The following EGLN3 variants were observed in gnomAD, a reference collection of about 807,000 sequenced individuals.
EGLN3 encodes the protein egl-9 family hypoxia inducible factor 3.
Under a neutral mutation model 26.0 loss-of-function variants are expected in EGLN3, and 15 were observed. That is an observed-to-expected ratio of 0.58 (90% confidence interval 0.39 to 0.89). The LOEUF (loss-of-function observed/expected upper bound fraction) is 0.89. Among genes scored for constraint, EGLN3 ranks in the 40% least tolerant of loss-of-function variants. The probability of loss-of-function intolerance (pLI) is 0.00; values close to 1 mark genes in which losing one functional copy is unlikely to be tolerated. For synonymous variants in EGLN3, 147 were observed against 127.2 expected (o/e 1.16, Z -1.05); for missense variants, 238 against 311.6 (o/e 0.76, Z 1.78).
chr14:33,936,222 G>A (rs555632376), intron 1 of EGLN3, among the ~76,000 whole-genome samples: 85 of 51,594 alleles, frequency 1.6e-3, no homozygotes, highest in African/African-American at 5.1e-3. Flanking sequence ...AGAGCGAGAT[G>A]CTGTCTCAAA....
In EGLN3 at chr14:33,929,071, A is replaced by G; in HGVS notation, c.614+5T>C. ...CGGAAGAGGAATCATGGCTCCGGCT[A>G]TTACCTGGTTGCGTAAGAGGGCTGC... On this transcript the variant is annotated splice_donor_5th_base_variant and intron_variant, in intron 3 of 4. Transcript: ENST00000250457. 6.2e-7 allele frequency: 1 copy of G among 1,613,310 alleles called. No individual in the cohort carries two copies. Among genetic ancestry groups the G allele is most frequent in the Non-Finnish European group, 8.5e-7 (1 of 1,179,868 alleles).
chr14:33,940,484 C>T (rs1263744609), intron 1 of EGLN3, among the ~76,000 whole-genome samples: 1 of 152,066 alleles, frequency 6.6e-6, no homozygotes, highest in Non-Finnish European at 1.5e-5. Context: ...GCCACCATCC[C>T]TATCTAATCT....
chr14:33,941,574 C>CT (rs561107647), intron 1 of EGLN3, among the ~76,000 whole-genome samples: 1,495 of 145,392 alleles, frequency 0.01, 26 homozygotes, highest in African/African-American at 0.033. Context: ...AAAATTCTAG[C>CT]TTTTTTTTTA....
chr14:33,948,310 A>T (rs1171941612), intron 1 of EGLN3: 1 of 152,224 alleles, frequency 6.6e-6, no homozygotes, highest in Non-Finnish European at 1.5e-5. Flanking sequence ...AGACTTCTGT[A>T]TACAAGCAAA....
chr14:33,930,698 G>A (rs1202334235), intron 2 of EGLN3, among the ~76,000 whole-genome samples: 1 of 152,186 alleles, frequency 6.6e-6, no homozygotes, highest in Admixed American at 6.5e-5. Context: ...TGGTTTTATA[G>A]CCTACAGTTC....
At position 33,931,132 on chromosome 14, in the gene EGLN3, G is replaced by A. The variant is rs979208385; in HGVS notation, c.441C>T (p.Thr147=). The change falls in exon 2 of 5, where the codon ACC becomes ACT. Residue 147 remains threonine, a synonymous_variant. Transcript: ENST00000250457. ...AATTCTTGTTCAGATAGTAGATGCA[G>A]GTGATGCAGCGACCATCACCGTTGG... ...DNPNGDGRCI[T]CIYYLNKNWD... 8 of 1,614,054 alleles carry A rather than the reference G, an allele frequency of 5.0e-6. No homozygotes were observed. The African/African-American group carries it at 6.7e-5, about 13-fold the overall frequency.
At chr14:33,941,880 G>T (rs1326896768) in intron 1 of EGLN3, among the ~76,000 whole-genome samples, 1 of 152,156 alleles carries the variant, frequency 6.6e-6, no homozygotes, top group African/African-American at 2.4e-5. Flanking sequence ...AGACAATGGG[G>T]AAGCTCATTA....
intron 3 of EGLN3, 140 bp from the exon 4 acceptor site, chr14:33,927,173 A>ATTTG (rs1409527332): frequency 4.1e-6 from 1 of 241,704 alleles, no homozygotes; most frequent in Non-Finnish European, 7.3e-6. Flanking sequence ...TTATTTATTT[A>ATTTG]TTTATTTATT....
intron 4 of EGLN3, among the ~76,000 whole-genome samples, chr14:33,926,574 C>T (rs561437350): frequency 2.6e-5 from 4 of 152,298 alleles, no homozygotes; most frequent in African/African-American, 9.6e-5. Context: ...TGCTGTTATA[C>T]TGAGAGTCAC....
Position 33,934,476 on chromosome 14 carries a change from A to C in EGLN3, c.358-3261T>G, listed in dbSNP as rs555107972. The stretch of plus-strand genomic sequence containing the variant: ...AGTGAGCTGACTTCATAAAAAAAAA[A>C]AAAAAACCTATCTCATCAAGTCCAA... On this transcript the variant is annotated intron_variant, in intron 1 of 4. Coordinates refer to ENST00000250457, the MANE Select transcript of EGLN3 (RefSeq NM_022073.4). Among the ~76,000 whole-genome samples the C allele has an allele frequency of 2.4e-4, 36 of 151,978 alleles. 1 individual carries two copies. Among genetic ancestry groups the C allele is most frequent in the African/African-American group, 7.7e-4 (32 of 41,454 alleles).
intron 2 of EGLN3, among the ~76,000 whole-genome samples, chr14:33,929,441 C>A (rs1300258643): frequency 6.6e-6 from 1 of 152,204 alleles, no homozygotes; most frequent in African/African-American, 2.4e-5. Context: ...CCACTTCCAC[C>A]TCCCTGGTTC....
intron 1 of EGLN3, among the ~76,000 whole-genome samples, chr14:33,939,221 T>TA (rs772957526): frequency 1.4e-4 from 21 of 151,956 alleles, no homozygotes; most frequent in African/African-American, 5.1e-4. Flanking sequence ...TTTTTTTTTT[T>TA]CTTTTTTGAG....
intron 1 of EGLN3, among the ~76,000 whole-genome samples, chr14:33,935,586 TACACACACACACAC>T (rs34931469): frequency 1.1e-4 from 16 of 146,802 alleles, no homozygotes; most frequent in South Asian, 2.2e-4. Context: ...TATAAATAAA[TACACACACACACAC>T]ACACACACAC....
intron 2 of EGLN3, among the ~76,000 whole-genome samples, chr14:33,930,019 T>C (rs569184161): frequency 6.6e-6 from 1 of 152,336 alleles, no homozygotes; most frequent in South Asian, 2.1e-4. Context: ...TTTTATGACA[T>C]ACACCACTCT....
intron 1 of EGLN3, among the ~76,000 whole-genome samples, chr14:33,947,446 ATTC>A (rs2064525852): frequency 6.6e-6 from 1 of 152,132 alleles, no homozygotes; most frequent in Admixed American, 6.5e-5. Context: ...TTCTTTCTAT[ATTC>A]TTCCACAATT....
intron 1 of EGLN3, among the ~76,000 whole-genome samples, chr14:33,946,630 G>A (rs2064520336): frequency 6.6e-6 from 1 of 152,150 alleles, no homozygotes; most frequent in South Asian, 2.1e-4. Flanking sequence ...TAAATGAAAG[G>A]TCGGAAGTAG....
chr14:33,941,078 T>C (rs1273666055), intron 1 of EGLN3, among the ~76,000 whole-genome samples: 3 of 152,218 alleles, frequency 2.0e-5, no homozygotes, highest in South Asian at 4.1e-4. Flanking sequence ...AGTATTATTG[T>C]GCCTATGTTA....
At position 33,931,221 on chromosome 14, in the gene EGLN3, G is replaced by A. The variant is rs2064401214; in HGVS notation, c.358-6C>T. On this transcript the variant is annotated splice_region_variant and splice_polypyrimidine_tract_variant and intron_variant, in intron 1 of 4. Transcript: ENST00000250457. ...GGATAGCAAGCCACCATTGCCTATG[G>A]AGAAATCCCAAGAAAGCTGGTTAAC... 1.2e-6 allele frequency: 2 copies of A among 1,614,118 alleles called. No individual in the cohort carries two copies. Among genetic ancestry groups the A allele is most frequent in the African/African-American group, 1.3e-5 (1 of 75,050 alleles).
At chr14:33,945,434 G>A (rs760529059) in intron 1 of EGLN3, among the ~76,000 whole-genome samples, 1 of 152,176 alleles carries the variant, frequency 6.6e-6, no homozygotes, top group Non-Finnish European at 1.5e-5. Flanking sequence ...CTTGAGCCAA[G>A]GTGAGACAAT....
Sources: allele counts gnomAD v4.1 joint callset (sites outside exome capture counted in the v4.1 genomes callset), GRCh38; gene constraint gnomAD v4.1.1; transcripts MANE v1.5; gene names NCBI Gene and HGNC (gene_info 2026-07-23, HGNC 2026-07-21).